MRTFA: variants seen among roughly 807,000 people sequenced by gnomAD.
The protein encoded by MRTFA is myocardin related transcription factor A.
In MRTFA, 20 loss-of-function variants were observed where a neutral mutation model predicts 83.5. The observed-to-expected ratio is 0.24, with a 90% CI of 0.17 to 0.35. The LOEUF is 0.35. Ranked by LOEUF, MRTFA falls within the 10% of genes least tolerant of loss-of-function variation. The pLI, the probability that MRTFA is intolerant of heterozygous loss-of-function variation, is 1.00. For missense variants in MRTFA, 1,200 were observed against 1,224.7 expected, an observed-to-expected ratio of 0.98 and a Z score of 0.30; for synonymous variants, 659 against 541.2, an observed-to-expected ratio of 1.22 and a Z score of -3.02.
At chr22:40,616,144 AAAG>A (rs2056447421) in intron 1 of MRTFA, among the ~76,000 whole-genome samples, 1 of 152,246 alleles carries the variant, frequency 6.6e-6, no homozygotes, top group Non-Finnish European at 1.5e-5. Flanking sequence ...TTCTTTTTGA[AAAG>A]AAATCAGAAG....
chr22:40,461,261 C>A (rs970567250), intron 4 of MRTFA, among the ~76,000 whole-genome samples: 1 of 141,430 alleles, frequency 7.1e-6, no homozygotes, highest in Non-Finnish European at 1.5e-5. Context: ...AGGCTTCTTA[C>A]ACTTGTTATA....
chr22:40,590,680 GAA>G (rs56366993), intron 2 of MRTFA, among the ~76,000 whole-genome samples: 2 of 81,366 alleles, frequency 2.5e-5, no homozygotes, highest in Non-Finnish European at 5.1e-5. Context: ...CTCAAAAAAA[GAA>G]AAAAAAAAAA....
At chr22:40,449,424 C>T (rs1320729677) in intron 4 of MRTFA, among the ~76,000 whole-genome samples, 1 of 152,004 alleles carries the variant, frequency 6.6e-6, no homozygotes, top group Non-Finnish European at 1.5e-5. Flanking sequence ...GGGAAAGAGG[C>T]CAGCAGTCCA....
At chr22:40,506,578 A>G (rs1220779732) in intron 3 of MRTFA, among the ~76,000 whole-genome samples, 1 of 152,232 alleles carries the variant, frequency 6.6e-6, no homozygotes, top group East Asian at 1.9e-4. Context: ...TGGCTTCTTC[A>G]GTGCCCAACG....
At chr22:40,609,482 CAAA>C (rs148106089) in intron 1 of MRTFA, among the ~76,000 whole-genome samples, 6 of 69,718 alleles carry the variant, frequency 8.6e-5, no homozygotes, top group Admixed American at 5.5e-4. Flanking sequence ...GTCTCTTTAA[CAAA>C]AAAAAAAAAA....
In MRTFA at chr22:40,499,574, T is replaced by A. The variant is rs537885672; in HGVS notation, c.242-36288A>T. Among the ~76,000 whole-genome samples the A allele has an allele frequency of 2.6e-5, 4 of 152,330 alleles. No homozygotes were observed. In the East Asian group the frequency reaches 7.7e-4, roughly 29 times the overall value. ...AGCCAGAAGAAAACTTTTTTAAAAT[T>A]TTAATACCTCCTTATCTGTGAAAAA... is the stretch of plus-strand genomic sequence containing the variant. On this transcript the variant is annotated intron_variant, in intron 3 of 14. Transcript: ENST00000355630.
intron 3 of MRTFA, among the ~76,000 whole-genome samples, chr22:40,507,784 G>A (rs1326232564): frequency 6.6e-6 from 1 of 151,724 alleles, no homozygotes; most frequent in Non-Finnish European, 1.5e-5. Flanking sequence ...CCAACATGGC[G>A]AAACCCCGTC....
intron 1 of MRTFA, among the ~76,000 whole-genome samples, chr22:40,629,954 A>G (rs1026309440): frequency 2.0e-5 from 3 of 152,024 alleles, no homozygotes; most frequent in African/African-American, 7.3e-5. Context: ...GCCCACACTA[A>G]TACCTAGAAT....
intron 1 of MRTFA, among the ~76,000 whole-genome samples, chr22:40,602,206 T>C (rs1011762002): frequency 6.6e-6 from 1 of 152,134 alleles, no homozygotes; most frequent in Non-Finnish European, 1.5e-5. Context: ...CATCTCAGCA[T>C]TGGAAAGTGA....
At chr22:40,465,178 T>C (rs1025737056) in intron 3 of MRTFA, among the ~76,000 whole-genome samples, 3 of 152,260 alleles carry the variant, frequency 2.0e-5, no homozygotes, top group African/African-American at 7.2e-5. Flanking sequence ...GGGAAAAGTA[T>C]AATATTTTGC....
At chr22:40,553,093 T>A (rs998781730) in intron 2 of MRTFA, among the ~76,000 whole-genome samples, 1 of 152,320 alleles carries the variant, frequency 6.6e-6, no homozygotes, top group South Asian at 2.1e-4. Flanking sequence ...TCTAGAGAGA[T>A]CTGTGGAACT....
At chr22:40,494,620 G>GC (rs1482268089) in intron 3 of MRTFA, among the ~76,000 whole-genome samples, 1 of 151,844 alleles carries the variant, frequency 6.6e-6, no homozygotes, top group Non-Finnish European at 1.5e-5. Context: ...GGCGAAGGCT[G>GC]CAGTGAGCCG....
At chr22:40,523,396 G>A (rs974041634) in intron 3 of MRTFA, 1 of 152,106 alleles carries the variant, frequency 6.6e-6, no homozygotes, top group African/African-American at 2.4e-5. Flanking sequence ...CTGGAATACC[G>A]TGGTGCAAAC....
intron 6 of MRTFA, among the ~76,000 whole-genome samples, chr22:40,430,860 CAAAAAAAAAAAA>C (rs1171650702): frequency 2.8e-5 from 1 of 35,120 alleles, no homozygotes; most frequent in Non-Finnish European, 5.3e-5. Flanking sequence ...GACTCCATCA[CAAAAAAAAAAAA>C]AAAAAAAAAG....
intron 3 of MRTFA, chr22:40,533,581 G>A (rs919260531): frequency 2.9e-5 from 36 of 1,224,338 alleles, no homozygotes; most frequent in South Asian, 2.5e-4. Flanking sequence ...TAGGATTTAT[G>A]TGAATTACCT....
At chr22:40,470,272 TATATATATAA>T (rs2053884243) in intron 3 of MRTFA, among the ~76,000 whole-genome samples, 3 of 91,446 alleles carry the variant, frequency 3.3e-5, no homozygotes, top group Admixed American at 2.4e-4. Flanking sequence ...TATATATATA[TATATATATAA>T]AGAAACATAA....
intron 3 of MRTFA, among the ~76,000 whole-genome samples, chr22:40,537,007 G>A (rs1222064834): frequency 9.2e-5 from 6 of 65,440 alleles, no homozygotes; most frequent in Non-Finnish European, 1.2e-4. Context: ...CGTCCGGGAG[G>A]GAGGTGGGGG....
chr22:40,551,694 T>C (rs2055446635), intron 3 of MRTFA, among the ~76,000 whole-genome samples: 1 of 152,176 alleles, frequency 6.6e-6, no homozygotes. Context: ...TTTTGTTTCA[T>C]CCCACAAGGC....
chr22:40,470,541 A>G (rs2053891836), intron 3 of MRTFA, among the ~76,000 whole-genome samples: 1 of 151,876 alleles, frequency 6.6e-6, no homozygotes, highest in Non-Finnish European at 1.5e-5. Flanking sequence ...TTACCTTAAG[A>G]AACTAGATGA....
Sources: allele counts gnomAD v4.1 joint callset (sites outside exome capture counted in the v4.1 genomes callset), GRCh38; gene constraint gnomAD v4.1.1; transcripts MANE v1.5; gene names NCBI Gene and HGNC (gene_info 2026-07-23, HGNC 2026-07-21).